AKR1C8: variants seen among roughly 807,000 people sequenced by gnomAD.
AKR1C8 encodes aldo-keto reductase family 1 member C8, also known as aldo-keto reductase family 1 member C-like protein 1.
the AKR1C8 span, among the ~76,000 whole-genome samples, chr10:5,174,159 A>C: frequency 2.7e-5 from 4 of 148,000 alleles, no homozygotes; most frequent in Non-Finnish European, 6.0e-5. Context: ...CCCTGTTCTT[A>C]AAAAAAAAAC....
At chr10:5,119,763 A>G in the AKR1C8 span, among the ~76,000 whole-genome samples, 42,568 of 152,084 alleles carry the variant, frequency 0.28, 6,407 homozygotes, top group African/African-American at 0.39. Flanking sequence ...GCTCATGGTC[A>G]ATATTCTTCA....
At chr10:5,129,612 C>T in the AKR1C8 span, among the ~76,000 whole-genome samples, 3 of 151,792 alleles carry the variant, frequency 2.0e-5, no homozygotes, top group Non-Finnish European at 4.4e-5. Flanking sequence ...CACAGAAATA[C>T]AAAAAATCAT....
chr10:5,175,990 C>A, the AKR1C8 span, among the ~76,000 whole-genome samples: 1 of 152,052 alleles, frequency 6.6e-6, no homozygotes, highest in Admixed American at 6.6e-5. Context: ...AATTAGATCC[C>A]ATTTGTCAAT....
At chr10:5,150,957 A>G in the AKR1C8 span, among the ~76,000 whole-genome samples, 1 of 152,120 alleles carries the variant, frequency 6.6e-6, no homozygotes, top group Admixed American at 6.6e-5. Flanking sequence ...TACTACTCAA[A>G]TCAGTCTCCC....
the AKR1C8 span, among the ~76,000 whole-genome samples, chr10:5,137,477 A>G: frequency 1.3e-5 from 2 of 152,170 alleles, no homozygotes; most frequent in Non-Finnish European, 2.9e-5. Context: ...TCTATCACAT[A>G]AACAGGACCA....
At chr10:5,145,508 AC>A in the AKR1C8 span, among the ~76,000 whole-genome samples, 1 of 151,778 alleles carries the variant, frequency 6.6e-6, no homozygotes, top group Non-Finnish European at 1.5e-5. Context: ...AAGAAAAAAA[AC>A]AAACAACCCC....
chr10:5,156,583 C>A, the AKR1C8 span, among the ~76,000 whole-genome samples: 72 of 131,622 alleles, frequency 5.5e-4, no homozygotes, highest in African/African-American at 1.8e-3. Context: ...CTATATGTAT[C>A]CGTCCATCTT....
chr10:5,119,383 A>G, the AKR1C8 span, among the ~76,000 whole-genome samples: 1 of 152,200 alleles, frequency 6.6e-6, no homozygotes, highest in Non-Finnish European at 1.5e-5. Flanking sequence ...TGTTATATAT[A>G]AAAGTACATA....
chr10:5,138,669 T>C, the AKR1C8 span, among the ~76,000 whole-genome samples: 7 of 152,262 alleles, frequency 4.6e-5, no homozygotes, highest in South Asian at 1.2e-3. Flanking sequence ...TGGGAACTGA[T>C]AAATGTCCAT....
chr10:5,137,177 G>T, the AKR1C8 span, among the ~76,000 whole-genome samples: 1 of 152,072 alleles, frequency 6.6e-6, no homozygotes, highest in Non-Finnish European at 1.5e-5. Context: ...TTCCCTCACT[G>T]GGAGTCCATT....
At chr10:5,172,137 G>A in the AKR1C8 span, among the ~76,000 whole-genome samples, 1 of 152,034 alleles carries the variant, frequency 6.6e-6, no homozygotes, top group Non-Finnish European at 1.5e-5. Context: ...CTGCAAACAG[G>A]CAAGTTGTAC....
the AKR1C8 span, among the ~76,000 whole-genome samples, chr10:5,175,425 G>A: frequency 9.2e-5 from 14 of 152,010 alleles, no homozygotes; most frequent in African/African-American, 3.4e-4. Context: ...GAATAGTGCT[G>A]CAATAAACAT....
chr10:5,160,011 G>C, the AKR1C8 span: 3 of 365,976 alleles, frequency 8.2e-6, no homozygotes, highest in African/African-American at 6.3e-5. Flanking sequence ...AGGGCCTGGG[G>C]AGGAAGGATA....
At chr10:5,132,505 G>T in the AKR1C8 span, 1 of 1,179,772 alleles carries the variant, frequency 8.5e-7, no homozygotes, top group Non-Finnish European at 1.1e-6. Flanking sequence ...GAACCAATAA[G>T]CACAATTCAC....
chr10:5,146,751 A>G, the AKR1C8 span, among the ~76,000 whole-genome samples: 1 of 152,142 alleles, frequency 6.6e-6, no homozygotes, highest in South Asian at 2.1e-4. Flanking sequence ...GGTCCCAGCT[A>G]CTTATCTTTG....
the AKR1C8 span, among the ~76,000 whole-genome samples, chr10:5,135,611 C>T: frequency 6.6e-6 from 1 of 152,058 alleles, no homozygotes; most frequent in African/African-American, 2.4e-5. Flanking sequence ...ATAAATTCCT[C>T]CAATAGATTT....
At chr10:5,146,092 G>A in the AKR1C8 span, among the ~76,000 whole-genome samples, 12 of 151,142 alleles carry the variant, frequency 7.9e-5, no homozygotes, top group African/African-American at 2.7e-4. Flanking sequence ...GTAAACTATT[G>A]CAAGAACAAA....
At chr10:5,150,784 C>T in the AKR1C8 span, among the ~76,000 whole-genome samples, 1 of 152,042 alleles carries the variant, frequency 6.6e-6, no homozygotes, top group African/African-American at 2.4e-5. Context: ...AAAGGAGACT[C>T]AGTTTCCCAA....
At chr10:5,153,751 C>G in the AKR1C8 span, among the ~76,000 whole-genome samples, 8 of 152,250 alleles carry the variant, frequency 5.3e-5, no homozygotes, top group Admixed American at 4.6e-4. Flanking sequence ...AAGACCGCCC[C>G]TATGATCCAA....
Sources: gnomAD v4.1 joint callset for allele counts (sites outside exome capture counted in the v4.1 genomes callset) on GRCh38, gnomAD v4.1.1 for gene constraint, MANE v1.5 for transcripts, NCBI Gene and HGNC (gene_info 2026-07-23, HGNC 2026-07-21) for gene names.